Variants in ANO10 observed in about 807,000 individuals in gnomAD.
ANO10 encodes anoctamin-10.
A neutral mutation model predicts 74.7 loss-of-function variants in ANO10; 77 were observed. That is an observed-to-expected ratio of 1.03 (90% CI 0.86 to 1.25). The LOEUF (loss-of-function observed/expected upper bound fraction) is 1.25. Ranked by LOEUF, ANO10 falls within the 50% of genes most tolerant of loss-of-function variation. The probability of loss-of-function intolerance (pLI) is 0.00; values close to 1 mark genes in which losing one functional copy is unlikely to be tolerated. For synonymous variants in ANO10, 279 were observed against 284.9 expected, an observed-to-expected ratio of 0.98 and a Z score of 0.21; for missense variants, 721 against 778.1, an observed-to-expected ratio of 0.93 and a Z score of 0.87.
chr3:43,662,687 C>T (rs1290896355), intron 1 of ANO10, among the ~76,000 whole-genome samples: 2 of 151,908 alleles, frequency 1.3e-5, no homozygotes, highest in African/African-American at 4.8e-5. Flanking sequence ...CAAATAGATG[C>T]AATAAAAAAT....
intron 1 of ANO10, among the ~76,000 whole-genome samples, chr3:43,652,369 G>A (rs2083797588): frequency 6.6e-6 from 1 of 152,098 alleles, no homozygotes; most frequent in Non-Finnish European, 1.5e-5. Context: ...ATGGTCAACT[G>A]ATTTTCAACA....
intron 2 of ANO10, among the ~76,000 whole-genome samples, chr3:43,603,776 C>A (rs2082437084): frequency 6.6e-6 from 1 of 152,152 alleles, no homozygotes; most frequent in Non-Finnish European, 1.5e-5. Flanking sequence ...TTAGCAACCC[C>A]CTGATTTCTG....
At chr3:43,674,235 G>A (rs1165853605) in intron 1 of ANO10, among the ~76,000 whole-genome samples, 2 of 152,186 alleles carry the variant, frequency 1.3e-5, no homozygotes, top group African/African-American at 4.8e-5. Flanking sequence ...GAACTTCTGG[G>A]CTCAAGTGAT....
chr3:43,644,827 C>T (rs1328061240), intron 1 of ANO10, among the ~76,000 whole-genome samples: 1 of 152,238 alleles, frequency 6.6e-6, no homozygotes, highest in Admixed American at 6.5e-5. Context: ...AACACCTTCC[C>T]ATTGGTGCTG....
At chr3:43,400,347 A>G (rs1369862200) in intron 12 of ANO10, among the ~76,000 whole-genome samples, 1 of 151,804 alleles carries the variant, frequency 6.6e-6, no homozygotes, top group East Asian at 1.9e-4. Flanking sequence ...GAACTAGACA[A>G]ATCAGCAGGC....
chr3:43,449,964 G>C (rs962588112), intron 11 of ANO10, among the ~76,000 whole-genome samples: 7 of 152,110 alleles, frequency 4.6e-5, no homozygotes, highest in African/African-American at 1.7e-4. Context: ...TCTGTCAGTA[G>C]AGTTTAGCAG....
chr3:43,636,373 C>T, intron 1 of ANO10: 1 of 152,234 alleles, frequency 6.6e-6, no homozygotes, highest in East Asian at 1.9e-4. Context: ...GAACAGCCCT[C>T]AGGTAAGGAG....
chr3:43,429,658 G>A (rs112732005), intron 12 of ANO10, among the ~76,000 whole-genome samples: 3 of 152,128 alleles, frequency 2.0e-5, no homozygotes, highest in African/African-American at 7.2e-5. Flanking sequence ...TTTTTAAACT[G>A]ACACCTAAAA....
In ANO10 at chr3:43,508,554, T is replaced by A. The variant is rs567985788; in HGVS notation, c.1797+41166A>T. ...GACTTGGAACCAACCCAAATGTCCA[T>A]CAATGATAGACTGGATTAAGAAAAT... On this transcript the variant is annotated intron_variant, in intron 11 of 12. Transcript: ENST00000292246. Among the ~76,000 whole-genome samples the A allele has an allele frequency of 4.8e-3, 738 of 152,228 alleles. 7 individuals carry two copies. Among genetic ancestry groups the A allele is most frequent in the African/African-American group, 0.015 (642 of 41,514 alleles).
At chr3:43,379,450 C>A (rs920499500) in intron 12 of ANO10, among the ~76,000 whole-genome samples, 21 of 152,154 alleles carry the variant, frequency 1.4e-4, no homozygotes, top group African/African-American at 5.1e-4. Context: ...TGTGTGGAGG[C>A]CCACATCGTG....
chr3:43,658,255 A>C (rs2149571717), intron 1 of ANO10, among the ~76,000 whole-genome samples: 1 of 152,314 alleles, frequency 6.6e-6, no homozygotes, highest in Non-Finnish European at 1.5e-5. Flanking sequence ...GTCATCGAGA[A>C]AGGCCATAAT....
At chr3:43,457,059 T>C (rs969584114) in intron 11 of ANO10, among the ~76,000 whole-genome samples, 2 of 152,130 alleles carry the variant, frequency 1.3e-5, no homozygotes, top group African/African-American at 4.8e-5. Context: ...GAATAAAAAT[T>C]GCCAAAAACT....
In ANO10 at chr3:43,643,951, T is replaced by C. The variant is rs568617465; in HGVS notation, c.-11-38088A>G. On this transcript the variant is annotated intron_variant, in intron 1 of 3. Coordinates refer to the ANO10 transcript ENST00000413397. ...CGCCCGCCTTGATCTCCCAAAGTGC[T>C]GGGATTACATGCGTGAGCCACCGCT... 6.6e-5 allele frequency among the ~76,000 whole-genome samples: 10 copies of C among 152,332 alleles called. No homozygotes were observed. The South Asian group carries it at 2.1e-3, about 32-fold the overall frequency.
chr3:43,641,722 A>G (rs945638265), intron 1 of ANO10, among the ~76,000 whole-genome samples: 4 of 152,168 alleles, frequency 2.6e-5, no homozygotes, highest in Admixed American at 2.6e-4. Flanking sequence ...TATTTTTAGG[A>G]TCTCTGAGTC....
At chr3:43,492,939 A>G (rs1158451672) in intron 11 of ANO10, among the ~76,000 whole-genome samples, 1 of 152,236 alleles carries the variant, frequency 6.6e-6, no homozygotes, top group Non-Finnish European at 1.5e-5. Context: ...ATTACTGGGC[A>G]TATGCCCAAA....
chr3:43,422,612 TCTTACCA>T (rs2092836259), intron 12 of ANO10, among the ~76,000 whole-genome samples: 1 of 152,194 alleles, frequency 6.6e-6, no homozygotes, highest in South Asian at 2.1e-4. Flanking sequence ...CCAGGCCCCC[TCTTACCA>T]CATTGCTTCC....
intron 12 of ANO10, among the ~76,000 whole-genome samples, chr3:43,425,221 T>C (rs995606487): frequency 6.7e-6 from 1 of 148,348 alleles, no homozygotes; most frequent in East Asian, 2.0e-4. Flanking sequence ...TTTTTTTTTT[T>C]AAATAGAGAT....
At chr3:43,466,540 A>C (rs2075636172) in intron 11 of ANO10, among the ~76,000 whole-genome samples, 1 of 152,118 alleles carries the variant, frequency 6.6e-6, no homozygotes, top group Non-Finnish European at 1.5e-5. Context: ...TAAACAAACG[A>C]CTAGAGTAAC....
At chr3:43,580,988 A>G (rs2081240129) in intron 4 of ANO10, among the ~76,000 whole-genome samples, 1 of 152,180 alleles carries the variant, frequency 6.6e-6, no homozygotes, top group African/African-American at 2.4e-5. Context: ...CTAATCTTCT[A>G]TTTAAAAATA....
Sources: gnomAD v4.1 joint callset for allele counts (sites outside exome capture counted in the v4.1 genomes callset) on GRCh38, gnomAD v4.1.1 for gene constraint, MANE v1.5 for transcripts, NCBI Gene and HGNC (gene_info 2026-07-23, HGNC 2026-07-21) for gene names.